The following SFMBT1 variants were observed in gnomAD, a reference collection of about 807,000 sequenced individuals.
SFMBT1 encodes Scm like with four mbt domains 1, also known as scm-like with four MBT domains protein 1.
In SFMBT1, 32 loss-of-function variants were observed where a neutral mutation model predicts 108.7. The ratio of observed to expected loss-of-function variants is 0.29; its 90% CI spans 0.22 to 0.40. SFMBT1 has a LOEUF of 0.40. SFMBT1 is among the 10% of genes least tolerant of loss of function. SFMBT1 has a pLI of 1.00. For synonymous variants in SFMBT1, 348 were observed against 369.5 expected (o/e 0.94, Z 0.67); for missense variants, 816 against 1,059.6 (o/e 0.77, Z 3.19).
In SFMBT1 at chr3:52,999,096, C is replaced by T. The variant is rs116038867; in HGVS notation, c.-130-29838G>A. ...CATGCTCTTCACCCAAGGCCTGCGC[C>T]GGCGTCTGCTGATCAAGGGCCCAGT... is the stretch of plus-strand genomic sequence containing the variant. On this transcript the variant is annotated intron_variant, in intron 1 of 20. Coordinates refer to ENST00000394752, the MANE Select transcript of SFMBT1 (RefSeq NM_016329.4). Among the ~76,000 whole-genome samples the T allele has an allele frequency of 0.018, 2,660 of 150,894 alleles. 262 individuals carry two copies. In the South Asian group the frequency reaches 0.18, roughly 10 times the overall value.
At chr3:52,980,730 G>A (rs980032876) in intron 1 of SFMBT1, among the ~76,000 whole-genome samples, 4 of 151,596 alleles carry the variant, frequency 2.6e-5, no homozygotes, top group Non-Finnish European at 4.4e-5. Flanking sequence ...CAAAAACCTC[G>A]CATTTTGTGT....
intron 1 of SFMBT1, among the ~76,000 whole-genome samples, chr3:53,024,935 T>C (rs1005714770): frequency 3.9e-5 from 6 of 152,154 alleles, no homozygotes; most frequent in Non-Finnish European, 8.8e-5. Flanking sequence ...TATAAGAATA[T>C]AAAGTATACA....
chr3:53,041,973 A>C (rs895926471), intron 1 of SFMBT1, among the ~76,000 whole-genome samples: 4 of 152,210 alleles, frequency 2.6e-5, no homozygotes, highest in African/African-American at 9.6e-5. Context: ...TCATTTACTC[A>C]TTACAAGTTC....
At chr3:53,045,273 G>A (rs1384034652) in intron 1 of SFMBT1, 2 of 147,728 alleles carry the variant, frequency 1.4e-5, no homozygotes, top group Admixed American at 6.7e-5. Flanking sequence ...GCCCTCCGAA[G>A]TTCCGACCGG....
In SFMBT1 at chr3:52,969,082, C is replaced by A; in HGVS notation, c.28+19G>T. On this transcript the variant is annotated intron_variant, in intron 2 of 20. Coordinates refer to ENST00000394752, the MANE Select transcript of SFMBT1 (RefSeq NM_016329.4). ...AATTGTGCATCCTAGAGAATAAATT[C>A]TGAGAATAAAACCAATACCTGCATC... 1 of 1,613,672 alleles carries A rather than the reference C, an allele frequency of 6.2e-7. No homozygotes were observed. The highest frequency in any genetic ancestry group is 1.3e-5 in the African/African-American group (1 of 74,984).
rs1281062108 is a variant in SFMBT1, at chr3:52,905,081, T to C, written c.*55A>G. 1.3e-6 allele frequency: 2 copies of C among 1,595,526 alleles called. No homozygotes were observed. Among genetic ancestry groups the C allele is most frequent in the African/African-American group, 2.7e-5 (2 of 74,454 alleles). ...TTCCAGCTCCACTTATAAAGCAGGGTGAAGGATTTGCTGCATTTGTGCTTC... is the reference window on the plus strand; with the variant it reads ...TTCCAGCTCCACTTATAAAGCAGGGCGAAGGATTTGCTGCATTTGTGCTTC... On this transcript the variant is annotated 3_prime_UTR_variant, in exon 21 of 21. Transcript: ENST00000394752.
At position 53,040,968 on chromosome 3, in the gene SFMBT1, A is replaced by ATTTTTTTTTTTTT. The variant is rs57640588; in HGVS notation, c.-131+4835_-131+4847dup. 1.5e-3 allele frequency among the ~76,000 whole-genome samples: 71 copies of ATTTTTTTTTTTTT among 46,384 alleles called. 5 individuals carry two copies. The highest frequency in any genetic ancestry group is 0.018 in the Middle Eastern group (1 of 56). 30.4% of individuals were successfully genotyped at this position (46,384 alleles called of 152,430 possible). A position where few individuals can be genotyped will look rare whatever the true frequency, so the allele number is the denominator to read the frequency against. ...TACAGGCATGCACCAAGACACCTGA[A>ATTTTTTTTTTTTT]TTTTTTTTTTTTTTTTTTTTTTTTT... On this transcript the variant is annotated intron_variant, in intron 1 of 20. Transcript: ENST00000394752.
chr3:52,934,686 T>C, intron 5 of SFMBT1, 127 bp downstream of exon 5: 2 of 706,340 alleles, frequency 2.8e-6, no homozygotes, highest in Non-Finnish European at 4.5e-6. Flanking sequence ...AACTTCCCAA[T>C]ACCTATGCCT....
intron 12 of SFMBT1, 127 bp downstream of exon 12, chr3:52,920,410 C>A: frequency 1.4e-6 from 1 of 723,540 alleles, no homozygotes; most frequent in Middle Eastern, 2.3e-4. Context: ...AAATAATTTC[C>A]TATGCAGGAA....
chr3:52,978,081 G>A (rs1355162749), intron 1 of SFMBT1, among the ~76,000 whole-genome samples: 1 of 152,150 alleles, frequency 6.6e-6, no homozygotes, highest in Non-Finnish European at 1.5e-5. Context: ...ATATTTTAGT[G>A]TAAGGAAGAA....
At chr3:52,989,250 T>C (rs1222299392) in intron 1 of SFMBT1, among the ~76,000 whole-genome samples, 2 of 151,962 alleles carry the variant, frequency 1.3e-5, no homozygotes, top group Non-Finnish European at 2.9e-5. Flanking sequence ...TACAAAATTA[T>C]TGGTATAATT....
chr3:53,015,194 TGA>T (rs2106934346), intron 1 of SFMBT1, among the ~76,000 whole-genome samples: 1 of 146,954 alleles, frequency 6.8e-6, no homozygotes, highest in South Asian at 2.2e-4. Flanking sequence ...GGGTGACAGG[TGA>T]GAGAGACCCT....
intron 8 of SFMBT1, chr3:52,928,619 CATATATACATATATATACATATAT>C (rs1702744990): frequency 8.0e-5 from 3 of 37,568 alleles, no homozygotes; most frequent in Non-Finnish European, 1.4e-4. Flanking sequence ...CATATATATA[CATATATACATATATATACATATAT>C]ATATATATAT....
chr3:53,039,286 TC>T (rs1699959551), intron 1 of SFMBT1, among the ~76,000 whole-genome samples: 1 of 152,084 alleles, frequency 6.6e-6, no homozygotes, highest in Admixed American at 6.6e-5. Flanking sequence ...ATTTACTTCC[TC>T]AAAAAAAATT....
chr3:52,943,740 C>T (rs373455231), intron 3 of SFMBT1, 147 bp from the exon 4 acceptor site: 1 of 1,017,488 alleles, frequency 9.8e-7, no homozygotes, highest in Non-Finnish European at 1.5e-6. Flanking sequence ...TTCTAACTTA[C>T]AGAAGCAATC....
In SFMBT1 at chr3:53,001,923, T is replaced by A. The variant is rs924646494; in HGVS notation, c.-130-32665A>T. 4.3e-4 allele frequency among the ~76,000 whole-genome samples: 29 copies of A among 67,092 alleles called. 2 individuals are homozygous for A. The highest frequency in any genetic ancestry group is 1.3e-3 in the African/African-American group (27 of 20,992). 44.0% of individuals were successfully genotyped at this position (67,092 alleles called of 152,430 possible). On this transcript the variant is annotated intron_variant, in intron 1 of 20. Coordinates refer to ENST00000394752, the MANE Select transcript of SFMBT1 (RefSeq NM_016329.4). ...CTGGGCAACAGAGCAAGACCCAGTC[T>A]CTCACACACACACACACACACACAC... is the stretch of plus-strand genomic sequence containing the variant.
At chr3:52,947,267 G>A (rs1183962589) in intron 3 of SFMBT1, among the ~76,000 whole-genome samples, 2 of 151,752 alleles carry the variant, frequency 1.3e-5, no homozygotes, top group African/African-American at 2.4e-5. Flanking sequence ...ACAGATACCC[G>A]CCACCAAGCC....
intron 1 of SFMBT1, among the ~76,000 whole-genome samples, chr3:52,990,912 T>G (rs1705100418): frequency 6.6e-6 from 1 of 152,192 alleles, no homozygotes; most frequent in African/African-American, 2.4e-5. Context: ...AAGAGAATAA[T>G]TTTTTCACTT....
At chr3:52,965,850 C>CA (rs1704115133) in intron 2 of SFMBT1, among the ~76,000 whole-genome samples, 2 of 149,526 alleles carry the variant, frequency 1.3e-5, no homozygotes, top group East Asian at 2.0e-4. Context: ...ACCAAAAATA[C>CA]AAAAAATTAG....
Sources: allele counts gnomAD v4.1 joint callset (sites outside exome capture counted in the v4.1 genomes callset), GRCh38; gene constraint gnomAD v4.1.1; transcripts MANE v1.5; gene names NCBI Gene and HGNC (gene_info 2026-07-23, HGNC 2026-07-21).